Variants in CHST11 observed in about 807,000 individuals in gnomAD.
The protein encoded by CHST11 is carbohydrate sulfotransferase 11, also known as C4S-1.
In CHST11, 9 loss-of-function variants were observed where a neutral mutation model predicts 30.4. The observed-to-expected ratio is 0.30, with a 90% CI of 0.18 to 0.52. CHST11 has a LOEUF of 0.52. CHST11 is among the 20% of genes least tolerant of loss of function. The pLI, the probability that CHST11 is intolerant of heterozygous loss-of-function variation, is 0.97. For missense variants in CHST11, 348 were observed against 460.6 expected, an observed-to-expected ratio of 0.76 and a Z score of 2.24; for synonymous variants, 152 against 187.8, an observed-to-expected ratio of 0.81 and a Z score of 1.56.
chr12:104,693,430 A>G (rs1165573750), intron 2 of CHST11, among the ~76,000 whole-genome samples: 1 of 152,230 alleles, frequency 6.6e-6, no homozygotes, highest in Non-Finnish European at 1.5e-5. Flanking sequence ...TTGAGAGGGA[A>G]GGATCGTCAT....
At chr12:104,536,162 T>C (rs564874247) in intron 1 of CHST11, among the ~76,000 whole-genome samples, 84 of 152,306 alleles carry the variant, frequency 5.5e-4, no homozygotes, top group African/African-American at 1.9e-3. Flanking sequence ...TGGGAAAGTA[T>C]CTTCGGGATG....
At chr12:104,465,877 T>G (rs11112068) in intron 1 of CHST11, among the ~76,000 whole-genome samples, 10,772 of 151,342 alleles carry the variant, frequency 0.071, 807 homozygotes, top group African/African-American at 0.2. Context: ...TTAATTTAAT[T>G]TTTTTTTTTG....
intron 1 of CHST11, among the ~76,000 whole-genome samples, chr12:104,533,372 A>G (rs17035738): frequency 2.0e-5 from 3 of 152,146 alleles, no homozygotes; most frequent in South Asian, 2.1e-4. Flanking sequence ...GTACTTGGCC[A>G]TGCTTTATCT....
chr12:104,727,439 G>T (rs975871422), intron 2 of CHST11, among the ~76,000 whole-genome samples: 5 of 152,216 alleles, frequency 3.3e-5, no homozygotes, highest in Admixed American at 6.5e-5. Context: ...AGCACAGACT[G>T]TGGCTATGGG....
At chr12:104,737,240 C>T (rs1427237969) in intron 2 of CHST11, among the ~76,000 whole-genome samples, 1 of 152,214 alleles carries the variant, frequency 6.6e-6, no homozygotes, top group Non-Finnish European at 1.5e-5. Context: ...CTTGCCATCC[C>T]CCGTGGGAAT....
rs2136152167 is a variant in CHST11 at position 104,760,441 on chromosome 12, G to A, written c.*2638G>A. 1 of 152,404 alleles carries A rather than the reference G, an allele frequency of 6.6e-6. No individual in the cohort carries two copies. The highest frequency in any genetic ancestry group is 2.1e-4 in the South Asian group (1 of 4,820). 9.4% of individuals were successfully genotyped at this position (152,404 alleles called of 1,614,324 possible). A position where few individuals can be genotyped will look rare whatever the true frequency, so the allele number is the denominator to read the frequency against. On this transcript the variant is annotated 3_prime_UTR_variant, in exon 3 of 3. Coordinates refer to ENST00000303694, the MANE Select transcript of CHST11 (RefSeq NM_018413.6). Reference sequence around the variant, plus strand: ...AAGGAAGAGAGGAGAGGGTGAGTGGGGTATAGGGCCCAGGGTGGCTCCCTA... The same window carrying A: ...AAGGAAGAGAGGAGAGGGTGAGTGGAGTATAGGGCCCAGGGTGGCTCCCTA...
chr12:104,719,861 C>T (rs1044539924), intron 2 of CHST11, among the ~76,000 whole-genome samples: 24 of 152,204 alleles, frequency 1.6e-4, no homozygotes, highest in Non-Finnish European at 2.5e-4. Flanking sequence ...CCAGGGAACA[C>T]TGTGTCCCAG....
At chr12:104,756,442 G>T (rs555262647) in intron 2 of CHST11, among the ~76,000 whole-genome samples, 1 of 152,216 alleles carries the variant, frequency 6.6e-6, no homozygotes, top group East Asian at 1.9e-4. Flanking sequence ...CTCTGCCCTG[G>T]CACCTCCTAG....
chr12:104,645,357 A>G (rs894372434), intron 2 of CHST11, among the ~76,000 whole-genome samples: 3 of 152,184 alleles, frequency 2.0e-5, no homozygotes, highest in Non-Finnish European at 4.4e-5. Flanking sequence ...CATCCCCACC[A>G]TACAGGTGAG....
intron 2 of CHST11, among the ~76,000 whole-genome samples, chr12:104,718,761 C>G (rs1328443643): frequency 6.6e-6 from 1 of 152,188 alleles, no homozygotes; most frequent in Non-Finnish European, 1.5e-5. Context: ...AGATGCAATG[C>G]TTGCGAGAGT....
intron 1 of CHST11, among the ~76,000 whole-genome samples, chr12:104,474,686 G>A (rs1250875061): frequency 2.0e-5 from 3 of 152,174 alleles, no homozygotes; most frequent in Non-Finnish European, 4.4e-5. Context: ...GGAACACAGA[G>A]GTCATTGCTG....
chr12:104,512,635 A>G (rs1178778254), intron 1 of CHST11, among the ~76,000 whole-genome samples: 1 of 152,342 alleles, frequency 6.6e-6, no homozygotes, highest in East Asian at 1.9e-4. Context: ...TTATTGAGGT[A>G]GAGGGAGTTT....
intron 2 of CHST11, among the ~76,000 whole-genome samples, chr12:104,733,511 C>G (rs751958054): frequency 6.6e-6 from 1 of 152,198 alleles, no homozygotes; most frequent in Non-Finnish European, 1.5e-5. Context: ...GGAGTCGCAG[C>G]CAACACTTTG....
intron 2 of CHST11, among the ~76,000 whole-genome samples, chr12:104,740,654 T>C (rs1157920044): frequency 6.6e-6 from 1 of 152,216 alleles, no homozygotes; most frequent in African/African-American, 2.4e-5. Flanking sequence ...CTAAGGACTC[T>C]GAGATGCAAA....
At chr12:104,579,693 G>A (rs992279673) in intron 1 of CHST11, among the ~76,000 whole-genome samples, 8 of 152,196 alleles carry the variant, frequency 5.3e-5, no homozygotes, top group African/African-American at 9.6e-5. Context: ...TCAGCAGCCC[G>A]GCAGGGGAGG....
At chr12:104,701,948 AG>A (rs1389636761) in intron 2 of CHST11, among the ~76,000 whole-genome samples, 3 of 152,200 alleles carry the variant, frequency 2.0e-5, no homozygotes. Context: ...GTTTGGGGTC[AG>A]GGAGGGACTG....
At chr12:104,573,977 T>A (rs1375083202) in intron 1 of CHST11, among the ~76,000 whole-genome samples, 1 of 152,192 alleles carries the variant, frequency 6.6e-6, no homozygotes, top group Non-Finnish European at 1.5e-5. Context: ...AGAGGGCTAA[T>A]ATCCAGAATC....
chr12:104,655,995 C>T (rs142676025), intron 2 of CHST11, among the ~76,000 whole-genome samples: 168 of 152,272 alleles, frequency 1.1e-3, no homozygotes, highest in African/African-American at 3.7e-3. Flanking sequence ...TAGTGCCATC[C>T]GTCATGTCTA....
At position 104,457,409 on chromosome 12, in the gene CHST11, G is replaced by C. The variant is rs1047041568; in HGVS notation, c.-3G>C. The C allele has an allele frequency of 1.9e-6, 3 of 1,611,550 alleles. No individual in the cohort carries two copies. The African/African-American group carries it at 4.0e-5, about 22-fold the overall frequency. On this transcript the variant is annotated 5_prime_UTR_variant, in exon 1 of 3. Transcript: ENST00000303694. ...CCCCGGTCCCCGCAGCCAGGACAAAGCCATGAAGCCAGCGCTGCTGGAAGT... is the reference window on the plus strand; with the variant it reads ...CCCCGGTCCCCGCAGCCAGGACAAACCCATGAAGCCAGCGCTGCTGGAAGT...
Sources: allele counts gnomAD v4.1 joint callset (sites outside exome capture counted in the v4.1 genomes callset), GRCh38; gene constraint gnomAD v4.1.1; transcripts MANE v1.5; gene names NCBI Gene and HGNC (gene_info 2026-07-23, HGNC 2026-07-21).